NAA25: variants seen among roughly 807,000 people sequenced by gnomAD.
NAA25 encodes N-alpha-acetyltransferase 25, NatB auxiliary subunit.
NAA25 carries 30 observed loss-of-function variants against 132.5 expected under a neutral mutation model. The observed-to-expected ratio is 0.23, with a 90% CI of 0.17 to 0.31. The LOEUF (loss-of-function observed/expected upper bound fraction) is 0.31, where lower values mean the gene tolerates loss of function less well. Among genes scored for constraint, NAA25 ranks in the 10% least tolerant of loss-of-function variants. The pLI is 1.00. For synonymous variants in NAA25, 359 were observed against 401.9 expected (o/e 0.89, Z 1.28); for missense variants, 771 against 1,150.4 (o/e 0.67, Z 4.77).
intron 8 of NAA25, 147 bp from the exon 9 acceptor site, chr12:112,074,911 C>T (rs943058421): frequency 1.3e-4 from 68 of 518,258 alleles, no homozygotes; most frequent in Non-Finnish European, 1.3e-4. Flanking sequence ...GTTTCCTTTG[C>T]AAATCTAAAA....
At chr12:112,108,569 G>A (rs751179457) in intron 1 of NAA25, 147 bp downstream of exon 1, 35 of 857,914 alleles carry the variant, frequency 4.1e-5, no homozygotes, top group Non-Finnish European at 5.0e-5. Flanking sequence ...CGAGGCCCGC[G>A]GCTGCGGCCT....
At chr12:112,058,553 T>C (rs921892711) in intron 13 of NAA25, among the ~76,000 whole-genome samples, 1 of 152,192 alleles carries the variant, frequency 6.6e-6, no homozygotes, top group African/African-American at 2.4e-5. Context: ...TGGAGTGTAA[T>C]GGTGTGATCA....
intron 1 of NAA25, among the ~76,000 whole-genome samples, chr12:112,107,721 G>A (rs552728468): frequency 6.6e-6 from 1 of 152,206 alleles, no homozygotes; most frequent in South Asian, 2.1e-4. Context: ...TAAATACGAT[G>A]TCTACTTTTG....
chr12:112,099,835 C>A (rs2079266709), intron 1 of NAA25, among the ~76,000 whole-genome samples: 1 of 152,198 alleles, frequency 6.6e-6, no homozygotes, highest in Non-Finnish European at 1.5e-5. Flanking sequence ...CATGTTCTTG[C>A]AGCTGCCATG....
chr12:112,096,387 G>C (rs918154863), intron 1 of NAA25, among the ~76,000 whole-genome samples: 22 of 152,180 alleles, frequency 1.4e-4, no homozygotes, highest in African/African-American at 5.3e-4. Flanking sequence ...GTGGCTCAGA[G>C]TGTCCCACAG....
At chr12:112,061,818 G>A (rs550132812) in intron 11 of NAA25, among the ~76,000 whole-genome samples, 2 of 152,114 alleles carry the variant, frequency 1.3e-5, no homozygotes, top group South Asian at 2.1e-4. Context: ...GAAAGGAAAG[G>A]TTATACATGG....
chr12:112,037,303 TA>T (rs2078237142), intron 22 of NAA25, among the ~76,000 whole-genome samples: 1 of 117,128 alleles, frequency 8.5e-6, no homozygotes, highest in Non-Finnish European at 1.8e-5. Flanking sequence ...TATATATATA[TA>T]TATATATATA....
At chr12:112,069,085 A>G (rs1593792898) in intron 10 of NAA25, 93 bp from the exon 11 acceptor site, 1 of 773,190 alleles carries the variant, frequency 1.3e-6, no homozygotes. Context: ...CATTTCAATT[A>G]AAACAAAATT....
chr12:112,052,112 T>C (rs1029689665), intron 15 of NAA25, among the ~76,000 whole-genome samples: 1 of 152,146 alleles, frequency 6.6e-6, no homozygotes, highest in African/African-American at 2.4e-5. Flanking sequence ...AATGAGGCCA[T>C]AAATAATGAG....
intron 1 of NAA25, among the ~76,000 whole-genome samples, chr12:112,101,188 T>C (rs76291334): frequency 0.015 from 2,331 of 152,224 alleles, 69 homozygotes; most frequent in African/African-American, 0.053. Context: ...ACCCCAACAG[T>C]CCAAATGCCC....
intron 7 of NAA25, among the ~76,000 whole-genome samples, chr12:112,077,189 G>A (rs2078905495): frequency 6.6e-6 from 1 of 151,312 alleles, no homozygotes; most frequent in Non-Finnish European, 1.5e-5. Flanking sequence ...TAAAATAATG[G>A]AGGCCAGGCG....
chr12:112,043,511 C>G (rs1236138782), intron 18 of NAA25, 114 bp downstream of exon 18: 4 of 1,213,786 alleles, frequency 3.3e-6, no homozygotes, highest in Non-Finnish European at 4.6e-6. Context: ...CCTGCAGAAG[C>G]CATAAACTGG....
rs2078113762 is a variant in NAA25 at position 112,028,780 on chromosome 12, G to A, written c.*751C>T. ...AAAGACAGAAAGCTAGTCCTCAGCGGGCTTAATAAGTGGTCTGCACTGCTT... is the reference window on the plus strand; with the variant it reads ...AAAGACAGAAAGCTAGTCCTCAGCGAGCTTAATAAGTGGTCTGCACTGCTT... On this transcript the variant is annotated 3_prime_UTR_variant, in exon 24 of 24. Coordinates refer to ENST00000261745, the MANE Select transcript of NAA25 (RefSeq NM_024953.4). 1 of 152,082 alleles carries A rather than the reference G, an allele frequency of 6.6e-6. No homozygotes were observed. The highest frequency in any genetic ancestry group is 1.5e-5 in the Non-Finnish European group (1 of 68,018). The allele number at this position is 152,082 out of a possible 1,614,324, so 9.4% of individuals were successfully genotyped here.
At chr12:112,075,855 C>T (rs932723202) in intron 7 of NAA25, 66 bp from the exon 8 acceptor site, 2 of 1,244,038 alleles carry the variant, frequency 1.6e-6, no homozygotes, top group African/African-American at 3.0e-5. Flanking sequence ...AGAATAGAGT[C>T]CAACCACAAG....
intron 4 of NAA25, among the ~76,000 whole-genome samples, chr12:112,083,908 A>C (rs936757155): frequency 6.6e-6 from 1 of 152,224 alleles, no homozygotes; most frequent in Non-Finnish European, 1.5e-5. Context: ...AATAAAAGTT[A>C]GGAAATTCAT....
intron 20 of NAA25, among the ~76,000 whole-genome samples, chr12:112,041,233 G>A (rs939406975): frequency 5.3e-5 from 8 of 151,460 alleles, no homozygotes; most frequent in Non-Finnish European, 1.0e-4. Flanking sequence ...TGTCGCCCAG[G>A]CTGAAGTGTA....
intron 11 of NAA25, chr12:112,065,381 T>A (rs1250039545): frequency 6.6e-6 from 1 of 152,000 alleles, no homozygotes; most frequent in African/African-American, 2.4e-5. Context: ...GCACCTGTAA[T>A]CCCAGTTAGT....
intron 1 of NAA25, chr12:112,097,386 T>A (rs1453322797): frequency 2.0e-5 from 3 of 152,022 alleles, no homozygotes; most frequent in Non-Finnish European, 2.9e-5. Flanking sequence ...GGCGGGTGGA[T>A]CATGAGGTCA....
intron 10 of NAA25, among the ~76,000 whole-genome samples, chr12:112,071,536 T>C (rs1021067646): frequency 2.6e-5 from 4 of 151,974 alleles, no homozygotes; most frequent in African/African-American, 9.7e-5. Flanking sequence ...TTCACCATGT[T>C]GCCCCAGCTG....
Sources: gnomAD v4.1 joint callset for allele counts (sites outside exome capture counted in the v4.1 genomes callset) on GRCh38, gnomAD v4.1.1 for gene constraint, MANE v1.5 for transcripts, NCBI Gene and HGNC (gene_info 2026-07-23, HGNC 2026-07-21) for gene names.